PCLAF: variants seen among roughly 807,000 people sequenced by gnomAD.
PCLAF encodes PCNA-associated factor.
PCLAF carries 12 observed loss-of-function variants against 15.1 expected under a neutral mutation model. The observed-to-expected ratio is 0.79, with a 90% CI of 0.51 to 1.29. The LOEUF (loss-of-function observed/expected upper bound fraction) is 1.29. Ranked by LOEUF, PCLAF falls within the 50% of genes most tolerant of loss-of-function variation. The pLI, the probability that PCLAF is intolerant of heterozygous loss-of-function variation, is 0.00. For missense variants in PCLAF, 116 were observed against 130.9 expected (o/e 0.89, Z 0.56); for synonymous variants, 33 against 47.1 (o/e 0.70, Z 1.22).
chr15:64,368,953 A>G (rs1313931759), intron 3 of PCLAF, among the ~76,000 whole-genome samples: 1 of 152,206 alleles, frequency 6.6e-6, no homozygotes, highest in African/African-American at 2.4e-5. Context: ...CTTGACTATC[A>G]GCTTGTTCCT....
chr15:64,381,319 G>A lies in PCLAF; in HGVS notation c.46+7C>T. ...CCGCCCTCCAGTACCACACTCGATC[G>A]CCTCACCTTTTCTGTAAGTGCCTGG... is the stretch of plus-strand genomic sequence containing the variant. On this transcript the variant is annotated splice_region_variant and intron_variant, in intron 1 of 3. Transcript: ENST00000300035. The A allele has an allele frequency of 1.2e-6, 2 of 1,614,066 alleles. No individual in the cohort carries two copies. The highest frequency in any genetic ancestry group is 8.5e-7 in the Non-Finnish European group (1 of 1,179,966).
chr15:64,374,307 C>T (rs1278789111), intron 3 of PCLAF, among the ~76,000 whole-genome samples: 4 of 151,888 alleles, frequency 2.6e-5, no homozygotes, highest in Non-Finnish European at 5.9e-5. Flanking sequence ...TTTGGGAGGC[C>T]GAGGCGGGCA....
chr15:64,377,836 C>G (rs919228870), intron 2 of PCLAF, among the ~76,000 whole-genome samples: 1 of 135,134 alleles, frequency 7.4e-6, no homozygotes, highest in African/African-American at 2.7e-5. Flanking sequence ...ACTGTAACCT[C>G]TGCCTCCCGG....
intron 3 of PCLAF, among the ~76,000 whole-genome samples, chr15:64,376,442 G>A (rs1786967559): frequency 6.6e-6 from 1 of 151,934 alleles, no homozygotes; most frequent in Non-Finnish European, 1.5e-5. Flanking sequence ...GAGGGCAGTG[G>A]CGTGAAAATG....
intron 3 of PCLAF, among the ~76,000 whole-genome samples, chr15:64,372,923 C>T (rs1413388933): frequency 6.6e-6 from 1 of 152,188 alleles, no homozygotes; most frequent in Non-Finnish European, 1.5e-5. Flanking sequence ...GCCAAGATAG[C>T]ACCACTGCAC....
intron 3 of PCLAF, chr15:64,373,385 T>C (rs1369103880): frequency 1.1e-5 from 3 of 272,906 alleles, no homozygotes; most frequent in Non-Finnish European, 2.0e-5. Context: ...GTGAAATTAG[T>C]AGATTTGATG....
rs896748215 is a variant in PCLAF, at chr15:64,381,403, G to A, written c.-32C>T. On this transcript the variant is annotated 5_prime_UTR_variant, in exon 1 of 4. Transcript: ENST00000300035. ...ACAAGAAGAGAGGAGAGGAGAGAAC[G>A]AACTGACTTCCCAGCCGAGGGTGTT... 3.1e-6 allele frequency: 5 copies of A among 1,614,098 alleles called. No individual in the cohort carries two copies. The highest frequency in any genetic ancestry group is 2.2e-5 in the East Asian group (1 of 44,878).
intron 3 of PCLAF, among the ~76,000 whole-genome samples, chr15:64,371,890 C>A (rs1284510297): frequency 6.6e-6 from 1 of 151,700 alleles, no homozygotes; most frequent in African/African-American, 2.4e-5. Context: ...AGCCACCGCA[C>A]CTGGCCCAGA....
At chr15:64,387,670 C>G in exon 1 of PCLAF, 3 of 1,411,538 alleles carry the variant, frequency 2.1e-6, no homozygotes, top group Non-Finnish European at 1.9e-6. Flanking sequence ...CTCCGGAGGG[C>G]ACAAGGAAGT....
chr15:64,387,487 A>G, exon 1 of PCLAF: 2 of 1,284,356 alleles, frequency 1.6e-6, no homozygotes, highest in African/African-American at 3.0e-5. Context: ...TATTTTACAT[A>G]AAACCATGAC....
At chr15:64,370,675 G>A (rs145764644) in intron 3 of PCLAF, among the ~76,000 whole-genome samples, 1 of 151,930 alleles carries the variant, frequency 6.6e-6, no homozygotes, top group African/African-American at 2.4e-5. Context: ...AGGCTGGAGT[G>A]TCTATTTCTA....
chr15:64,381,122 A>C, intron 1 of PCLAF, 84 bp from the exon 2 acceptor site: 2 of 1,367,728 alleles, frequency 1.5e-6, no homozygotes, highest in Non-Finnish European at 2.1e-6. Context: ...CTTGGAGAGG[A>C]GAGCCTGGCG....
chr15:64,387,094 T>C (rs905223048), intron 1 of PCLAF, among the ~76,000 whole-genome samples: 4 of 151,760 alleles, frequency 2.6e-5, no homozygotes, highest in African/African-American at 7.3e-5. Flanking sequence ...TTGGCTCTCC[T>C]GGAAAATACA....
intron 2 of PCLAF, 145 bp from the exon 3 acceptor site, chr15:64,377,050 A>G (rs1048408309): frequency 1.1e-5 from 7 of 639,636 alleles, no homozygotes; most frequent in Non-Finnish European, 1.8e-5. Flanking sequence ...GAATTAGAAA[A>G]TGTGACACAA....
chr15:64,384,525 C>T (rs1596329671), upstream of PCLAF, among the ~76,000 whole-genome samples: 1 of 151,242 alleles, frequency 6.6e-6, no homozygotes, highest in African/African-American at 2.4e-5. Flanking sequence ...GGTAGATCAA[C>T]TGAGGTCAGG....
chr15:64,380,234 T>A (rs1899768330), intron 2 of PCLAF, among the ~76,000 whole-genome samples: 1 of 151,552 alleles, frequency 6.6e-6, no homozygotes, highest in African/African-American at 2.4e-5. Flanking sequence ...TACAAAAAAA[T>A]TAGCTGGGTG....
chr15:64,365,138 G>T lies in PCLAF; in HGVS notation c.*892C>A, dbSNP rs2140513651. The T allele has an allele frequency of 6.6e-6, 1 of 152,120 alleles. No individual in the cohort carries two copies. Among genetic ancestry groups the T allele is most frequent in the Non-Finnish European group, 1.5e-5 (1 of 67,984 alleles). 9.4% of individuals were successfully genotyped at this position (152,120 alleles called of 1,614,324 possible). ...CTGCCTCAGCCTCCCGAGTAGCTGG[G>T]ACTACAGGCGCCCGCCACCGCGCCC... is the stretch of plus-strand genomic sequence containing the variant. On this transcript the variant is annotated 3_prime_UTR_variant, in exon 4 of 4. Transcript: ENST00000300035.
chr15:64,374,876 GA>G (rs1330510739), intron 3 of PCLAF, among the ~76,000 whole-genome samples: 1 of 146,566 alleles, frequency 6.8e-6, no homozygotes, highest in East Asian at 2.0e-4. Context: ...AAGAAAGAAA[GA>G]AAAAAAGGAA....
chr15:64,373,976 G>GT (rs927913776), intron 3 of PCLAF, among the ~76,000 whole-genome samples: 42 of 150,684 alleles, frequency 2.8e-4, no homozygotes, highest in Non-Finnish European at 3.3e-4. Context: ...TTTTCCCTTG[G>GT]TTTTTTTTTC....
Sources: gnomAD v4.1 joint callset for allele counts (sites outside exome capture counted in the v4.1 genomes callset) on GRCh38, gnomAD v4.1.1 for gene constraint, MANE v1.5 for transcripts, NCBI Gene and HGNC (gene_info 2026-07-23, HGNC 2026-07-21) for gene names.